The following SMOX variants were observed in gnomAD, a reference collection of about 807,000 sequenced individuals.
SMOX encodes spermine oxidase, also known as flavin containing amine oxidase.
In SMOX, 22 loss-of-function variants were observed where a neutral mutation model predicts 51.0. The ratio of observed to expected loss-of-function variants is 0.43; its 90% CI spans 0.31 to 0.62. The LOEUF (loss-of-function observed/expected upper bound fraction) is 0.62, where lower values mean the gene tolerates loss of function less well. SMOX is among the 20% of genes least tolerant of loss of function. The pLI, the probability that SMOX is intolerant of heterozygous loss-of-function variation, is 0.10. For missense variants in SMOX, 566 were observed against 777.7 expected, an observed-to-expected ratio of 0.73 and a Z score of 3.24; for synonymous variants, 282 against 307.8, an observed-to-expected ratio of 0.92 and a Z score of 0.88.
chr20:4,184,694 G>A (rs186391361), intron 6 of SMOX, among the ~76,000 whole-genome samples: 1 of 152,164 alleles, frequency 6.6e-6, no homozygotes, highest in Non-Finnish European at 1.5e-5. Flanking sequence ...GATGGAGAGA[G>A]AAAAGGGCTG....
rs1216132472 is a variant in SMOX at position 4,170,808 on chromosome 20, T to C, written c.-26-4222T>C. Among the ~76,000 whole-genome samples the C allele has an allele frequency of 1.3e-5, 2 of 152,152 alleles. No homozygotes were observed. The highest frequency in any genetic ancestry group is 4.8e-5 in the African/African-American group (2 of 41,428). ...TGGGACACTTCAGTCAGGGTGGTGG[T>C]GGCTCTGGACAGCTGGGGGAGGCGG... On this transcript the variant is annotated intron_variant, in intron 1 of 6. Transcript: ENST00000305958. This position sits in a 1 kb window ranked among gnomAD's most constrained non-coding sequence, Gnocchi z 4.6.
At position 4,177,685 on chromosome 20, in the gene SMOX, A is replaced by G; in HGVS notation, c.435+108A>G. On this transcript the variant is annotated intron_variant, in intron 3 of 6. Coordinates refer to ENST00000305958, the MANE Select transcript of SMOX (RefSeq NM_175839.3). This position sits in a 1 kb window ranked among gnomAD's most constrained non-coding sequence, Gnocchi z 4.3. ...CCCTGGGCCTTGCATTTGGAAAACCAGGATAATGTGAGGGTAAAATGAAAA... is the reference window on the plus strand; with the variant it reads ...CCCTGGGCCTTGCATTTGGAAAACCGGGATAATGTGAGGGTAAAATGAAAA... The G allele has an allele frequency of 1.0e-6, 1 of 999,518 alleles. No individual in the cohort carries two copies. Among genetic ancestry groups the G allele is most frequent in the Non-Finnish European group, 1.5e-6 (1 of 681,016 alleles). 61.9% of individuals were successfully genotyped at this position (999,518 alleles called of 1,614,324 possible). A position where few individuals can be genotyped will look rare whatever the true frequency, so the allele number is the denominator to read the frequency against.
chr20:4,177,502 G>T lies in SMOX; in HGVS notation c.360G>T (p.Val120=). 1 of 1,591,836 alleles carries T rather than the reference G, an allele frequency of 6.3e-7. No individual in the cohort carries two copies. The highest frequency in any genetic ancestry group is 1.3e-5 in the African/African-American group (1 of 74,836). Residue 120 remains valine (V), a synonymous_variant, in exon 3 of 7, where the codon GTG becomes GTT. Transcript: ENST00000305958. This position sits in a 1 kb window ranked among gnomAD's most constrained non-coding sequence, Gnocchi z 4.3. The stretch of plus-strand genomic sequence containing the variant: ...TCAGCCTCTATTCCAAGAATGGCGT[G>T]GCCTGCTACCTTACCAACCACGGCC... The part of the protein sequence containing the change: ...GRISLYSKNG[V]ACYLTNHGRR...
intron 1 of SMOX, among the ~76,000 whole-genome samples, chr20:4,162,527 G>T (rs1986385215): frequency 6.6e-6 from 1 of 152,140 alleles, no homozygotes; most frequent in African/African-American, 2.4e-5. Flanking sequence ...CCTTCCCATT[G>T]TCTCTTGAAT....
rs1271083259 is a variant in SMOX, at chr20:4,149,256, CTGCTCGGCCCGGGCCGGGCGCCGGGGG to C, written c.-27+281_-27+307del. On this transcript the variant is annotated intron_variant, in intron 1 of 6. Coordinates refer to ENST00000305958, the MANE Select transcript of SMOX (RefSeq NM_175839.3). This position sits in a 1 kb window ranked among gnomAD's most constrained non-coding sequence, Gnocchi z 6.0. ...GGTGGCGGCGATCCCGGCGCCAGGG[CTGCTCGGCCCGGGCCGGGCGCCGGGGG>C]TAGAGGGCCGGACGGACCCCCGGGC... Among the ~76,000 whole-genome samples, 1 of 150,238 alleles carries C rather than the reference CTGCTCGGCCCGGGCCGGGCGCCGGGGG, an allele frequency of 6.7e-6. No homozygotes were observed. Among genetic ancestry groups the C allele is most frequent in the African/African-American group, 2.4e-5 (1 of 41,030 alleles).
At chr20:4,164,546 G>A (rs745893337) in intron 1 of SMOX, among the ~76,000 whole-genome samples, 5 of 152,188 alleles carry the variant, frequency 3.3e-5, no homozygotes, top group Non-Finnish European at 7.3e-5. Flanking sequence ...GGTACTATAA[G>A]GTGTTCCCAA....
intron 6 of SMOX, among the ~76,000 whole-genome samples, chr20:4,184,936 T>A (rs1979623581): frequency 6.6e-6 from 1 of 152,226 alleles, no homozygotes; most frequent in Admixed American, 6.5e-5. Context: ...AAGACCATCT[T>A]GTGGTCCAAG....
chr20:4,177,606 A>G lies in SMOX; in HGVS notation c.435+29A>G. On this transcript the variant is annotated intron_variant, in intron 3 of 6. Transcript: ENST00000305958. This position sits in a 1 kb window ranked among gnomAD's most constrained non-coding sequence, Gnocchi z 4.3. ...AGGTGTGAGCAGAGTAGCTGGGCGT[A>G]AGGGCATGGGGAGACCTGGGAGGTC... is the stretch of plus-strand genomic sequence containing the variant. The G allele has an allele frequency of 1.3e-6, 2 of 1,556,344 alleles. No individual in the cohort carries two copies. The highest frequency in any genetic ancestry group is 1.2e-5 in the South Asian group (1 of 84,686).
intron 6 of SMOX, among the ~76,000 whole-genome samples, chr20:4,185,176 C>G (rs186904946): frequency 2.1e-4 from 32 of 152,298 alleles, no homozygotes; most frequent in Admixed American, 1.8e-3. Flanking sequence ...AAAATCAGGA[C>G]TTTGTTATTG....
chr20:4,176,532 AC>A (rs1354644523), intron 2 of SMOX, among the ~76,000 whole-genome samples: 1 of 150,960 alleles, frequency 6.6e-6, no homozygotes, highest in African/African-American at 2.4e-5. Flanking sequence ...AAAACGAAAC[AC>A]CCCCCAAAAT....
chr20:4,152,661 C>G (rs1342080589), intron 1 of SMOX, among the ~76,000 whole-genome samples: 2 of 152,062 alleles, frequency 1.3e-5, no homozygotes, highest in Non-Finnish European at 2.9e-5. Flanking sequence ...TGGGAGGAAT[C>G]AAGCAGAGGC....
In SMOX at chr20:4,183,384, G is replaced by T; in HGVS notation, c.1370-110G>T. 1 of 1,508,062 alleles carries T rather than the reference G, an allele frequency of 6.6e-7. No homozygotes were observed. 93.4% of individuals were successfully genotyped at this position (1,508,062 alleles called of 1,614,324 possible). On this transcript the variant is annotated intron_variant, in intron 5 of 6. Coordinates refer to ENST00000305958, the MANE Select transcript of SMOX (RefSeq NM_175839.3). The surrounding 1 kb of genome is among the most constrained non-coding windows in gnomAD (Gnocchi z 4.3). ...CTCCGTGCCTACCCCTGGCAGTCTG[G>T]TCCTCCCGGAGCCCTGGAGGTGGGG...
chr20:4,164,031 G>A (rs193158064), intron 1 of SMOX, among the ~76,000 whole-genome samples: 1 of 152,154 alleles, frequency 6.6e-6, no homozygotes, highest in Non-Finnish European at 1.5e-5. Flanking sequence ...TTGTCCTGTT[G>A]TTGCACCTGC....
rs541892075 is a variant in SMOX at position 4,158,152 on chromosome 20, G to T, written c.-27+9175G>T. On this transcript the variant is annotated intron_variant, in intron 1 of 6. Coordinates refer to ENST00000305958, the MANE Select transcript of SMOX (RefSeq NM_175839.3). ...CCTGACCTCGTGATCCGCCCGCCTTGGCCTCCCAAAGTGCTGGGATGACAG... is the reference window on the plus strand; with the variant it reads ...CCTGACCTCGTGATCCGCCCGCCTTTGCCTCCCAAAGTGCTGGGATGACAG... 1.8e-3 allele frequency among the ~76,000 whole-genome samples: 270 copies of T among 151,916 alleles called. 3 individuals are homozygous for T. Among genetic ancestry groups the T allele is most frequent in the Admixed American group, 4.5e-3 (68 of 15,256 alleles).
At position 4,153,332 on chromosome 20, in the gene SMOX, A is replaced by T. The variant is rs2122364354; in HGVS notation, c.-27+4355A>T. On this transcript the variant is annotated intron_variant, in intron 1 of 6. Transcript: ENST00000305958. The surrounding 1 kb of genome is among the most constrained non-coding windows in gnomAD (Gnocchi z 4.4). ...CTGCCTGTAAAATGGGATTAGAGGGACTTTTTTTCTTTGCTCCCTGGAGGT... is the reference window on the plus strand; with the variant it reads ...CTGCCTGTAAAATGGGATTAGAGGGTCTTTTTTTCTTTGCTCCCTGGAGGT... 6.6e-6 allele frequency among the ~76,000 whole-genome samples: 1 copy of T among 151,900 alleles called. No individual in the cohort carries two copies. The highest frequency in any genetic ancestry group is 2.4e-5 in the African/African-American group (1 of 41,484).
chr20:4,178,882 C>G (rs1274969855), intron 3 of SMOX, among the ~76,000 whole-genome samples: 1 of 152,044 alleles, frequency 6.6e-6, no homozygotes, highest in Admixed American at 6.5e-5. Flanking sequence ...GGGGTTTTAC[C>G]ACGTTGGTCA....
rs373112014 is a variant in SMOX at position 4,165,556 on chromosome 20, G to A, written c.-26-9474G>A. On this transcript the variant is annotated intron_variant, in intron 1 of 6. Transcript: ENST00000305958. ...TTCCTGGAGGGGAATTCAGAGTTGG[G>A]ATGTTAGGTCCTGCTCACAGGGAGG... Among the ~76,000 whole-genome samples, 6 of 152,268 alleles carry A rather than the reference G, an allele frequency of 3.9e-5. No homozygotes were observed. In the East Asian group the frequency reaches 1.2e-3, roughly 30 times the overall value.
rs1979460457 is a variant in SMOX at position 4,182,884 on chromosome 20, C to G, written c.1369+36C>G. On this transcript the variant is annotated intron_variant, in intron 5 of 6. Coordinates refer to ENST00000305958, the MANE Select transcript of SMOX (RefSeq NM_175839.3). This position sits in a 1 kb window ranked among gnomAD's most constrained non-coding sequence, Gnocchi z 8.4. Reference sequence around the variant, plus strand: ...TGCCCCACGACCCGCTTCCCCCACCCTGCTTCTTCCTCACCTGCCCTCCTC... The same window carrying G: ...TGCCCCACGACCCGCTTCCCCCACCGTGCTTCTTCCTCACCTGCCCTCCTC... 1 of 1,574,566 alleles carries G rather than the reference C, an allele frequency of 6.4e-7. No homozygotes were observed. The highest frequency in any genetic ancestry group is 8.6e-7 in the Non-Finnish European group (1 of 1,165,702).
At chr20:4,160,063 T>A (rs1044513544) in intron 1 of SMOX, among the ~76,000 whole-genome samples, 2 of 152,216 alleles carry the variant, frequency 1.3e-5, no homozygotes, top group African/African-American at 4.8e-5. Context: ...TTAGAACTTG[T>A]CCCTGGCCCT....
Sources: gnomAD v4.1 joint callset for allele counts (sites outside exome capture counted in the v4.1 genomes callset) on GRCh38, gnomAD v4.1.1 for gene constraint, Gnocchi (gnomAD v3.1) non-coding constraint, MANE v1.5 for transcripts, NCBI Gene and HGNC (gene_info 2026-07-23, HGNC 2026-07-21) for gene names.